The following BLNK variants were observed in gnomAD, a reference collection of about 807,000 sequenced individuals.
The protein encoded by BLNK is B cell linker.
BLNK carries 29 observed loss-of-function variants against 73.5 expected under a neutral mutation model. That is an observed-to-expected ratio of 0.39 (90% CI 0.29 to 0.54). The LOEUF (loss-of-function observed/expected upper bound fraction) is 0.54. BLNK is among the 20% of genes least tolerant of loss of function. The probability of loss-of-function intolerance (pLI) is 0.61; values close to 1 mark genes in which losing one functional copy is unlikely to be tolerated. For synonymous variants in BLNK, 176 were observed against 200.8 expected, an observed-to-expected ratio of 0.88 and a Z score of 1.04; for missense variants, 460 against 562.8, an observed-to-expected ratio of 0.82 and a Z score of 1.85.
At chr10:96,262,717 G>C (rs1253786690) in intron 1 of BLNK, among the ~76,000 whole-genome samples, 1 of 152,184 alleles carries the variant, frequency 6.6e-6, no homozygotes, top group African/African-American at 2.4e-5. Flanking sequence ...ATATATAGCA[G>C]TAGGATACCA....
At chr10:96,203,028 C>T (rs1783570829) in intron 13 of BLNK, among the ~76,000 whole-genome samples, 7 of 152,150 alleles carry the variant, frequency 4.6e-5, no homozygotes, top group Admixed American at 4.6e-4. Context: ...CAGCATTTAC[C>T]TGATATGATA....
chr10:96,202,376 C>T (rs1261508073), intron 13 of BLNK, among the ~76,000 whole-genome samples: 1 of 152,136 alleles, frequency 6.6e-6, no homozygotes, highest in Non-Finnish European at 1.5e-5. Context: ...GGACAGATCA[C>T]AGCAGTGGAA....
chr10:96,230,403 G>A (rs782134953), intron 4 of BLNK, among the ~76,000 whole-genome samples: 2 of 152,200 alleles, frequency 1.3e-5, no homozygotes, highest in Non-Finnish European at 2.9e-5. Flanking sequence ...TTGTTGGTTC[G>A]TTTAGGGCTC....
chr10:96,207,867 C>T lies in BLNK; in HGVS notation c.774+5G>A, dbSNP rs1564819299. ...GAAGCACTTTTAAATGCAAAATTAA[C>T]TTACTGTCTTCAGTGGTGTCGTTGG... is the stretch of plus-strand genomic sequence containing the variant. On this transcript the variant is annotated splice_donor_5th_base_variant and intron_variant, in intron 10 of 16. Coordinates refer to ENST00000224337, the MANE Select transcript of BLNK (RefSeq NM_013314.4). 6.2e-7 allele frequency: 1 copy of T among 1,614,090 alleles called. No homozygotes were observed. The highest frequency in any genetic ancestry group is 8.5e-7 in the Non-Finnish European group (1 of 1,179,938).
chr10:96,200,257 C>G lies in BLNK; in HGVS notation c.1012-99G>C, dbSNP rs2083594946. ...GACCCATTTGCATTATCAAGACAGG[C>G]CTCTACATTTACACCAATAATTTTA... On this transcript the variant is annotated intron_variant, in intron 14 of 16. Coordinates refer to ENST00000224337, the MANE Select transcript of BLNK (RefSeq NM_013314.4). The surrounding 1 kb of genome is among the most constrained non-coding windows in gnomAD (Gnocchi z 4.3). The G allele has an allele frequency of 4.7e-6, 4 of 854,926 alleles. No individual in the cohort carries two copies. In the East Asian group the frequency reaches 7.7e-5, roughly 17 times the overall value. 53.0% of individuals were successfully genotyped at this position (854,926 alleles called of 1,614,324 possible). A position where few individuals can be genotyped will look rare whatever the true frequency, so the allele number is the denominator to read the frequency against.
At chr10:96,231,794 C>T (rs929539161) in intron 3 of BLNK, among the ~76,000 whole-genome samples, 1 of 150,648 alleles carries the variant, frequency 6.6e-6, no homozygotes, top group Non-Finnish European at 1.5e-5. Context: ...GCAGATAAGT[C>T]ACATGCCCAA....
At chr10:96,205,015 G>T (rs2083759282) in intron 11 of BLNK, 2 of 289,606 alleles carry the variant, frequency 6.9e-6, no homozygotes, top group African/African-American at 2.2e-5. Context: ...CACCCTGGTG[G>T]GTCTTGATTA....
At chr10:96,218,341 T>C (rs1370577100) in intron 6 of BLNK, among the ~76,000 whole-genome samples, 1 of 152,168 alleles carries the variant, frequency 6.6e-6, no homozygotes, top group African/African-American at 2.4e-5. Flanking sequence ...CATTTCCAGA[T>C]GAAGAAACTG....
intron 2 of BLNK, among the ~76,000 whole-genome samples, chr10:96,246,666 C>G (rs1448745088): frequency 1.3e-5 from 2 of 152,248 alleles, no homozygotes; most frequent in African/African-American, 2.4e-5. Context: ...TTTCTCCATA[C>G]ATGTTTTCAT....
chr10:96,219,734 T>G (rs1554900712), intron 6 of BLNK, among the ~76,000 whole-genome samples: 4 of 152,244 alleles, frequency 2.6e-5, no homozygotes, highest in African/African-American at 9.6e-5. Context: ...AAAAATTACT[T>G]AGGCAGATAG....
chr10:96,270,102 G>A (rs116665205), intron 1 of BLNK, among the ~76,000 whole-genome samples: 3,108 of 152,238 alleles, frequency 0.02, 102 homozygotes, highest in African/African-American at 0.071. Context: ...AGAATGAGGT[G>A]CCTTCTTGTC....
chr10:96,258,288 C>T (rs891117781), intron 1 of BLNK, among the ~76,000 whole-genome samples: 3 of 152,094 alleles, frequency 2.0e-5, no homozygotes, highest in African/African-American at 7.2e-5. Flanking sequence ...CCCTCAAGGT[C>T]GAGTTAGTGG....
chr10:96,202,782 A>C (rs1310484114), intron 13 of BLNK, among the ~76,000 whole-genome samples: 1 of 152,218 alleles, frequency 6.6e-6, no homozygotes, highest in African/African-American at 2.4e-5. Context: ...CAGTTCTGGC[A>C]GTTGGAAGAG....
intron 5 of BLNK, 138 bp downstream of exon 5, chr10:96,227,272 G>A: frequency 8.7e-7 from 1 of 1,148,976 alleles, no homozygotes; most frequent in Non-Finnish European, 1.2e-6. Context: ...CAGATCCCCT[G>A]CTTGGAGGTG....
At chr10:96,250,108 C>G (rs554360728) in intron 1 of BLNK, among the ~76,000 whole-genome samples, 1 of 152,208 alleles carries the variant, frequency 6.6e-6, no homozygotes, top group South Asian at 2.1e-4. Context: ...TACTCCCTAG[C>G]TAGGGAGGCC....
At chr10:96,221,995 T>C (rs1423009601) in intron 6 of BLNK, among the ~76,000 whole-genome samples, 1 of 152,200 alleles carries the variant, frequency 6.6e-6, no homozygotes, top group Non-Finnish European at 1.5e-5. Context: ...ATGGCTGGCC[T>C]GGTGTTGCTA....
intron 1 of BLNK, among the ~76,000 whole-genome samples, chr10:96,252,170 G>A (rs1554909316): frequency 1.3e-5 from 2 of 152,108 alleles, no homozygotes; most frequent in Non-Finnish European, 2.9e-5. Context: ...TCCTGCCTCA[G>A]CCTCCCGAGT....
At chr10:96,250,458 G>C (rs936454682) in intron 1 of BLNK, among the ~76,000 whole-genome samples, 1 of 151,992 alleles carries the variant, frequency 6.6e-6, no homozygotes, top group Admixed American at 6.6e-5. Context: ...GAGAGAGAGA[G>C]AGAGAGGTTG....
At chr10:96,257,803 G>A (rs782500269) in intron 1 of BLNK, among the ~76,000 whole-genome samples, 6 of 152,222 alleles carry the variant, frequency 3.9e-5, no homozygotes, top group South Asian at 4.2e-4. Flanking sequence ...ACACAAACCC[G>A]ACCCTCTTGT....
Sources: allele counts gnomAD v4.1 joint callset (sites outside exome capture counted in the v4.1 genomes callset), GRCh38; gene constraint gnomAD v4.1.1; non-coding constraint Gnocchi (gnomAD v3.1); transcripts MANE v1.5; gene names NCBI Gene and HGNC (gene_info 2026-07-23, HGNC 2026-07-21).